ITPR2: variants seen among roughly 807,000 people sequenced by gnomAD.
ITPR2 encodes inositol 1,4,5-trisphosphate-gated calcium channel ITPR2.
A neutral mutation model predicts 317.1 loss-of-function variants in ITPR2; 207 were observed. That is an observed-to-expected ratio of 0.65 (90% CI 0.58 to 0.73). ITPR2 has a LOEUF of 0.73. ITPR2 is among the 30% of genes least tolerant of loss of function. The probability of loss-of-function intolerance (pLI) is 0.00; values close to 1 mark genes in which losing one functional copy is unlikely to be tolerated. For missense variants in ITPR2, 2,613 were observed against 3,284.0 expected, an observed-to-expected ratio of 0.80 and a Z score of 4.99; for synonymous variants, 1,156 against 1,149.1, an observed-to-expected ratio of 1.01 and a Z score of -0.12.
chr12:26,390,798 AAG>A (rs1219043132), intron 54 of ITPR2, among the ~76,000 whole-genome samples: 6 of 152,190 alleles, frequency 3.9e-5, no homozygotes, highest in Admixed American at 3.9e-4. Flanking sequence ...TAAAAAACAA[AAG>A]AGAGAAAAAC....
chr12:26,682,733 C>A, intron 11 of ITPR2, 60 bp from the exon 12 acceptor site: 1 of 934,276 alleles, frequency 1.1e-6, no homozygotes, highest in Admixed American at 1.9e-5. Context: ...TACATATTAA[C>A]ATCTTTAACA....
intron 32 of ITPR2, among the ~76,000 whole-genome samples, chr12:26,585,550 G>A (rs575780740): frequency 9.2e-5 from 14 of 152,070 alleles, no homozygotes; most frequent in Admixed American, 2.6e-4. Context: ...GACTACAGGC[G>A]CATGCCACAA....
chr12:26,653,829 T>C (rs1207410959), intron 21 of ITPR2, 147 bp downstream of exon 21: 8 of 598,278 alleles, frequency 1.3e-5, no homozygotes, highest in East Asian at 1.2e-4. Flanking sequence ...ATCCACCTTA[T>C]TATCACTCAG....
chr12:26,585,906 T>G (rs1019687361), intron 32 of ITPR2, among the ~76,000 whole-genome samples: 1 of 152,204 alleles, frequency 6.6e-6, no homozygotes, highest in Admixed American at 6.5e-5. Context: ...GCAACTTAGA[T>G]GGTTGAAAAT....
At chr12:26,549,946 T>C (rs1156455336) in intron 37 of ITPR2, among the ~76,000 whole-genome samples, 1 of 151,974 alleles carries the variant, frequency 6.6e-6, no homozygotes, top group Non-Finnish European at 1.5e-5. Flanking sequence ...CAGTTACTCA[T>C]TGTTTAAAAA....
chr12:26,368,566 G>GGA (rs1565491149), intron 55 of ITPR2, among the ~76,000 whole-genome samples: 4 of 152,098 alleles, frequency 2.6e-5, no homozygotes, highest in Admixed American at 6.5e-5. Flanking sequence ...GCTAGGAAAT[G>GGA]GCCAAGCTGG....
At chr12:26,561,253 T>C (rs1288224465) in intron 35 of ITPR2, among the ~76,000 whole-genome samples, 1 of 152,186 alleles carries the variant, frequency 6.6e-6, no homozygotes, top group Non-Finnish European at 1.5e-5. Context: ...CTTGGACTTC[T>C]AGCCTCCAAA....
rs764231650 is a variant in ITPR2, at chr12:26,602,721, A to C, written c.3463-15T>G. On this transcript the variant is annotated splice_polypyrimidine_tract_variant and intron_variant, in intron 26 of 56. Transcript: ENST00000381340. Reference sequence around the variant, plus strand: ...ATGTTTGATTCCTAAAAGGAACACAAATATGTACTTTTATGCCATTTGTAG... The same window carrying C: ...ATGTTTGATTCCTAAAAGGAACACACATATGTACTTTTATGCCATTTGTAG... 2 of 1,483,194 alleles carry C rather than the reference A, an allele frequency of 1.3e-6. No individual in the cohort carries two copies. Among genetic ancestry groups the C allele is most frequent in the Admixed American group, 1.7e-5 (1 of 58,436 alleles). The allele number at this position is 1,483,194 out of a possible 1,614,324, so 91.9% of individuals were successfully genotyped here.
chr12:26,645,784 CAA>C (rs1402368505), intron 21 of ITPR2, among the ~76,000 whole-genome samples: 1 of 152,170 alleles, frequency 6.6e-6, no homozygotes, highest in East Asian at 1.9e-4. Context: ...GTGAAAAATT[CAA>C]AAGAGATGAA....
chr12:26,494,544 C>T (rs963538479), intron 38 of ITPR2, among the ~76,000 whole-genome samples: 4 of 151,850 alleles, frequency 2.6e-5, no homozygotes, highest in Admixed American at 2.0e-4. Context: ...CTAAGGCAGG[C>T]AGATCACTTG....
intron 55 of ITPR2, among the ~76,000 whole-genome samples, chr12:26,343,761 T>C (rs1168919124): frequency 6.6e-6 from 1 of 151,658 alleles, no homozygotes; most frequent in Non-Finnish European, 1.5e-5. Flanking sequence ...AAAAGTGCAT[T>C]TTTATGGGAG....
chr12:26,688,614 G>A (rs1003136496), intron 10 of ITPR2, among the ~76,000 whole-genome samples: 3 of 152,168 alleles, frequency 2.0e-5, no homozygotes, highest in African/African-American at 7.2e-5. Flanking sequence ...TAGAGAACAA[G>A]AGGGGAGCAG....
chr12:26,429,790 T>C (rs1941157639), intron 48 of ITPR2, among the ~76,000 whole-genome samples: 1 of 152,276 alleles, frequency 6.6e-6, no homozygotes, highest in South Asian at 2.1e-4. Context: ...GCTTAGCTTT[T>C]AAGTTCACTA....
In ITPR2 at chr12:26,351,208, C is replaced by T. The variant is rs565981915; in HGVS notation, c.7858-10880G>A. Among the ~76,000 whole-genome samples, 10 of 152,314 alleles carry T rather than the reference C, an allele frequency of 6.6e-5. No homozygotes were observed. In the South Asian group the frequency reaches 2.1e-3, roughly 32 times the overall value. On this transcript the variant is annotated intron_variant, in intron 55 of 56. Transcript: ENST00000381340. Reference sequence around the variant, plus strand: ...TGACCCAACATGAGGGTGAGAAACACTCAGAGAGGGGAGGTGGAGTCCAGC... The same window carrying T: ...TGACCCAACATGAGGGTGAGAAACATTCAGAGAGGGGAGGTGGAGTCCAGC...
chr12:26,784,490 GC>G (rs1187970139), intron 2 of ITPR2, among the ~76,000 whole-genome samples: 1 of 150,968 alleles, frequency 6.6e-6, no homozygotes, highest in Non-Finnish European at 1.5e-5. Flanking sequence ...GCCTGCGCAC[GC>G]CGCCACGCCT....
chr12:26,468,683 G>GA (rs1341113588), intron 45 of ITPR2, among the ~76,000 whole-genome samples: 1 of 151,766 alleles, frequency 6.6e-6, no homozygotes, highest in East Asian at 1.9e-4. Flanking sequence ...TCTTTATTCA[G>GA]TTTTTTAAAT....
chr12:26,647,703 T>C (rs1542605), intron 21 of ITPR2, among the ~76,000 whole-genome samples: 46,228 of 152,146 alleles, frequency 0.3, 7,738 homozygotes, highest in East Asian at 0.64. Flanking sequence ...GCAAAGCAAA[T>C]TGACTCAACC....
rs143400895 is a variant in ITPR2 at position 26,478,130 on chromosome 12, T to A, written c.6124-1123A>T. ...TGTGCAAATTAATTCTCCTGGGTAG[T>A]TTTAACATCAAATTCTATCCAACTA... On this transcript the variant is annotated intron_variant, in intron 43 of 56. Transcript: ENST00000381340. Among the ~76,000 whole-genome samples the A allele has an allele frequency of 2.4e-4, 36 of 152,210 alleles. No homozygotes were observed. The East Asian group carries it at 5.8e-3, about 24-fold the overall frequency.
chr12:26,560,861 C>T (rs1251706333), intron 35 of ITPR2, among the ~76,000 whole-genome samples: 1 of 152,098 alleles, frequency 6.6e-6, no homozygotes, highest in East Asian at 1.9e-4. Flanking sequence ...ATGTCTTGGC[C>T]ATTTTGTAGA....
Sources: gnomAD v4.1 joint callset for allele counts (sites outside exome capture counted in the v4.1 genomes callset) on GRCh38, gnomAD v4.1.1 for gene constraint, MANE v1.5 for transcripts, NCBI Gene and HGNC (gene_info 2026-07-23, HGNC 2026-07-21) for gene names.